Variants in TOGARAM2 observed in about 807,000 individuals in gnomAD.
TOGARAM2 encodes TOG array regulator of axonemal microtubules protein 2.
Under a neutral mutation model 93.3 loss-of-function variants are expected in TOGARAM2, and 85 were observed. The observed-to-expected ratio is 0.91, with a 90% CI of 0.76 to 1.09. The LOEUF (loss-of-function observed/expected upper bound fraction) is 1.09, where lower values mean the gene tolerates loss of function less well. Ranked by LOEUF, TOGARAM2 falls within the 50% of genes least tolerant of loss-of-function variation. The probability of loss-of-function intolerance (pLI) is 0.00; values close to 1 mark genes in which losing one functional copy is unlikely to be tolerated. For missense variants in TOGARAM2, 1,277 were observed against 1,334.5 expected (o/e 0.96, Z 0.67); for synonymous variants, 593 against 552.8 (o/e 1.07, Z -1.02).
chr2:29,034,484 C>T (rs1201812968), intron 16 of TOGARAM2, among the ~76,000 whole-genome samples: 2 of 152,344 alleles, frequency 1.3e-5, no homozygotes, highest in East Asian at 1.9e-4. Context: ...TCTCATCTCA[C>T]GGTTCTCAGT....
intron 2 of TOGARAM2, 101 bp from the exon 3 acceptor site, chr2:28,998,042 G>T: frequency 1.3e-6 from 1 of 749,638 alleles, no homozygotes. Context: ...GGGACCCTGC[G>T]GGGTGGAGTG....
intron 2 of TOGARAM2, among the ~76,000 whole-genome samples, chr2:28,995,196 G>A (rs1017565989): frequency 5.3e-5 from 8 of 152,244 alleles, no homozygotes; most frequent in African/African-American, 1.4e-4. Flanking sequence ...GATATGGGCC[G>A]GGCCCTCAGG....
rs1479047143 is a variant in TOGARAM2, at chr2:29,024,285, C to T, written c.1764C>T (p.Ile588=). ...LQKMADTNEF[I]QRAAGQSLRA... is the part of the protein sequence containing the mutation. ...AGATGGCGGACACCAACGAGTTCAT[C>T]CAGAGAGCAGCCGGCCAGTCTCTGA... The change falls in exon 13 of 20, where the codon ATC becomes ATT. Residue 588 remains isoleucine (I), a synonymous_variant. Coordinates refer to ENST00000379558, the MANE Select transcript of TOGARAM2 (RefSeq NM_199280.4). 1 of 1,613,322 alleles carries T rather than the reference C, an allele frequency of 6.2e-7. No homozygotes were observed. The highest frequency in any genetic ancestry group is 1.7e-5 in the Admixed American group (1 of 59,954).
chr2:29,012,658 GGGTGGA>G (rs932324587), intron 7 of TOGARAM2, among the ~76,000 whole-genome samples: 1 of 152,194 alleles, frequency 6.6e-6, no homozygotes, highest in African/African-American at 2.4e-5. Flanking sequence ...CATCCCTTTG[GGGTGGA>G]GGTGAAGAAG....
intron 6 of TOGARAM2, among the ~76,000 whole-genome samples, chr2:29,006,841 C>G (rs545210824): frequency 6.6e-6 from 1 of 152,164 alleles, no homozygotes; most frequent in African/African-American, 2.4e-5. Flanking sequence ...CCCACTCAGA[C>G]GCTGGCCTCT....
At chr2:29,004,291 AAC>A (rs1489421094) in intron 6 of TOGARAM2, among the ~76,000 whole-genome samples, 1 of 152,216 alleles carries the variant, frequency 6.6e-6, no homozygotes, top group Non-Finnish European at 1.5e-5. Flanking sequence ...CTATGAATAA[AAC>A]ACTATTTTAA....
intron 1 of TOGARAM2, among the ~76,000 whole-genome samples, chr2:28,983,678 T>C (rs560662725): frequency 3.9e-5 from 6 of 152,012 alleles, no homozygotes; most frequent in Admixed American, 3.9e-4. Context: ...TTCCTAGGAG[T>C]GGAATTGCTG....
At chr2:29,011,547 C>CG (rs771260333) in intron 7 of TOGARAM2, 46 bp downstream of exon 7, 2 of 1,547,300 alleles carry the variant, frequency 1.3e-6, no homozygotes, top group South Asian at 2.4e-5. Context: ...TGACTCTCTA[C>CG]ATTCCTGGGC....
intron 6 of TOGARAM2, among the ~76,000 whole-genome samples, chr2:29,007,689 C>A (rs6742719): frequency 0.74 from 111,680 of 151,772 alleles, 42,642 homozygotes; most frequent in Non-Finnish European, 0.85. Context: ...GAATGAATGG[C>A]GGGTCCTTTG....
intron 1 of TOGARAM2, among the ~76,000 whole-genome samples, chr2:28,957,535 G>T (rs1671741123): frequency 6.6e-6 from 1 of 152,172 alleles, no homozygotes; most frequent in African/African-American, 2.4e-5. Flanking sequence ...TTTCTCACAT[G>T]ATAGTAATAC....
chr2:29,031,463 T>C (rs532948662), intron 14 of TOGARAM2, among the ~76,000 whole-genome samples: 1 of 152,376 alleles, frequency 6.6e-6, no homozygotes, highest in African/African-American at 2.4e-5. Flanking sequence ...TTTAAATTTA[T>C]TTTCAGAAGT....
At chr2:29,007,222 A>G (rs1663938095) in intron 6 of TOGARAM2, among the ~76,000 whole-genome samples, 1 of 152,046 alleles carries the variant, frequency 6.6e-6, no homozygotes, top group Non-Finnish European at 1.5e-5. Flanking sequence ...CCGGGTTTCC[A>G]TCTTTCTGTT....
rs765920057 is a variant in TOGARAM2, at chr2:29,024,220, G to A, written c.1699G>A (p.Asp567Asn). The A allele has an allele frequency of 4.0e-5, 65 of 1,608,508 alleles. No individual in the cohort carries two copies. Among genetic ancestry groups the A allele is most frequent in the Non-Finnish European group, 5.0e-5 (59 of 1,177,418 alleles). Residue 567 changes from aspartate to asparagine, a missense_variant, in exon 13 of 20, where the codon GAC becomes AAC. By Grantham distance (23) the Asp-to-Asn change is conservative (BLOSUM62 1). Coordinates refer to ENST00000379558, the MANE Select transcript of TOGARAM2 (RefSeq NM_199280.4). ...CTTCCAGGCCTTGAAGAAGAATATG[G>A]ACCAGGAGGCCGAGGAGATCGCCCG... The part of the protein sequence containing the change: ...DLFQALKKNM[D>N]QEAEEIARCL...
chr2:29,025,644 AGTTCTGATGTCC>A, intron 13 of TOGARAM2, among the ~76,000 whole-genome samples: 1 of 152,066 alleles, frequency 6.6e-6, no homozygotes, highest in Non-Finnish European at 1.5e-5. Flanking sequence ...GAGTAGGGAG[AGTTCTGATGTCC>A]CCCACTGTGT....
chr2:29,021,403 C>T (rs941469596), intron 10 of TOGARAM2, among the ~76,000 whole-genome samples: 6 of 152,114 alleles, frequency 3.9e-5, no homozygotes, highest in Non-Finnish European at 8.8e-5. Flanking sequence ...ACAGAGGAGC[C>T]GAGGGGCTGT....
At position 29,016,421 on chromosome 2, in the gene TOGARAM2, C is replaced by T. The variant is rs115104615; in HGVS notation, c.1045-733C>T. Reference sequence around the variant, plus strand: ...AGCCTTAGAGAAATGGAAGTTAGAACGTTCTGTGGATGTGGAAGATATTAT... The same window carrying T: ...AGCCTTAGAGAAATGGAAGTTAGAATGTTCTGTGGATGTGGAAGATATTAT... On this transcript the variant is annotated intron_variant, in intron 8 of 19. Coordinates refer to ENST00000379558, the MANE Select transcript of TOGARAM2 (RefSeq NM_199280.4). 4.6e-3 allele frequency among the ~76,000 whole-genome samples: 700 copies of T among 152,242 alleles called. 8 individuals carry two copies. Among genetic ancestry groups the T allele is most frequent in the African/African-American group, 0.016 (656 of 41,532 alleles).
chr2:28,960,254 C>T (rs996530522), intron 1 of TOGARAM2, among the ~76,000 whole-genome samples: 1 of 152,204 alleles, frequency 6.6e-6, no homozygotes, highest in African/African-American at 2.4e-5. Context: ...TTCTTAACTA[C>T]TTCAGGGTGA....
chr2:29,011,487 C>T lies in TOGARAM2; in HGVS notation c.863C>T (p.Thr288Ile). The T allele has an allele frequency of 1.9e-6, 3 of 1,606,270 alleles. No individual in the cohort carries two copies. Among genetic ancestry groups the T allele is most frequent in the South Asian group, 2.2e-5 (2 of 89,880 alleles). ...CGGGGGAGTGGGCCTCGGGAGAAGA[C>T]CCCTGCATCTCTGGGTACGTATCTT... ...LARGSGPREKTPASLEPKPLA... is the reference protein window; with the variant it reads ...LARGSGPREKIPASLEPKPLA... Residue 288 changes from threonine (T) to isoleucine (I), a missense_variant, in exon 7 of 20, where the codon ACC (threonine) becomes ATC (isoleucine). Transcript: ENST00000379558.
intron 1 of TOGARAM2, among the ~76,000 whole-genome samples, chr2:28,975,330 A>G (rs930162811): frequency 6.6e-6 from 1 of 152,006 alleles, no homozygotes; most frequent in African/African-American, 2.4e-5. Flanking sequence ...TTGGGACTAC[A>G]GGTGCCCGCC....
Sources: gnomAD v4.1 joint callset for allele counts (sites outside exome capture counted in the v4.1 genomes callset) on GRCh38, gnomAD v4.1.1 for gene constraint, MANE v1.5 for transcripts, NCBI Gene and HGNC (gene_info 2026-07-23, HGNC 2026-07-21) for gene names.